Variants in ALDH1L1 observed in about 807,000 individuals in gnomAD.
ALDH1L1 encodes cytosolic 10-formyltetrahydrofolate dehydrogenase.
In ALDH1L1, 68 loss-of-function variants were observed where a neutral mutation model predicts 101.1. The ratio of observed to expected loss-of-function variants is 0.67; its 90% confidence interval spans 0.55 to 0.82. The LOEUF is 0.82. Among genes scored for constraint, ALDH1L1 ranks in the 40% least tolerant of loss-of-function variants. The probability of loss-of-function intolerance (pLI) is 0.00; values close to 1 mark genes in which losing one functional copy is unlikely to be tolerated. For missense variants in ALDH1L1, 1,087 were observed against 1,172.7 expected (o/e 0.93, Z 1.07); for synonymous variants, 486 against 470.8 (o/e 1.03, Z -0.42).
chr3:126,157,642 G>A (rs1236338093), intron 3 of ALDH1L1, 134 bp from the exon 4 acceptor site: 4 of 970,140 alleles, frequency 4.1e-6, no homozygotes, highest in Non-Finnish European at 6.1e-6. Flanking sequence ...CGGCTCCGGC[G>A]GGAAACGGAA....
intron 11 of ALDH1L1, 102 bp from the exon 12 acceptor site, chr3:126,135,764 C>A: frequency 7.3e-7 from 1 of 1,368,082 alleles, no homozygotes. Context: ...AGTGAGGCGG[C>A]CCCTGTCCAC....
rs532559368 is a variant in ALDH1L1 at position 126,164,130 on chromosome 3, C to CA, written c.-23-3129dup. ...TGGGCAACAGAGTGAGACTATGTCT[C>CA]AAAAAAAAAAGGCAAGGCAAGGCAA... is the stretch of plus-strand genomic sequence containing the variant. On this transcript the variant is annotated intron_variant, in intron 1 of 22. Coordinates refer to ENST00000393434, the MANE Select transcript of ALDH1L1 (RefSeq NM_012190.4). Among the ~76,000 whole-genome samples the CA allele has an allele frequency of 4.8e-3, 668 of 139,110 alleles. 2 individuals carry two copies. The highest frequency in any genetic ancestry group is 0.015 in the African/African-American group (580 of 37,826). 91.3% of individuals were successfully genotyped at this position (139,110 alleles called of 152,430 possible).
intron 1 of ALDH1L1, among the ~76,000 whole-genome samples, chr3:126,196,084 A>C (rs1559988580): frequency 6.6e-6 from 1 of 152,210 alleles, no homozygotes; most frequent in Non-Finnish European, 1.5e-5. Context: ...CACATTGTGC[A>C]CATGTACCCT....
At chr3:126,113,494 C>T (rs535510041) in intron 18 of ALDH1L1, among the ~76,000 whole-genome samples, 4 of 152,236 alleles carry the variant, frequency 2.6e-5, no homozygotes, top group Admixed American at 1.3e-4. Context: ...CAGGGGAGGA[C>T]GGAGAGCCAT....
At position 126,157,484 on chromosome 3, in the gene ALDH1L1, T is replaced by C. The variant is rs781124972; in HGVS notation, c.387A>G (p.Lys129=). Residue 129 remains lysine (K), a synonymous_variant, in exon 4 of 23, where the codon AAA becomes AAG. Transcript: ENST00000393434. ...CCGCCCAGAAGATGGAAAACCCCCC[T>C]TTCTTATCTCCGTGAATGAGGGTCC... is the stretch of plus-strand genomic sequence containing the variant. ...INWTLIHGDK[K]GGFSIFWADD... 6.2e-7 allele frequency: 1 copy of C among 1,613,830 alleles called. No homozygotes were observed. Among genetic ancestry groups the C allele is most frequent in the Admixed American group, 1.7e-5 (1 of 59,988 alleles).
At chr3:126,153,789 T>G (rs1044223112) in intron 6 of ALDH1L1, among the ~76,000 whole-genome samples, 1 of 152,178 alleles carries the variant, frequency 6.6e-6, no homozygotes, top group Non-Finnish European at 1.5e-5. Context: ...CTCAGGGAGC[T>G]GATGGCAGGT....
Position 126,105,934 on chromosome 3 carries a change from A to T in ALDH1L1, c.2454-9T>A. 1 of 1,610,772 alleles carries T rather than the reference A, an allele frequency of 6.2e-7. No homozygotes were observed. Among genetic ancestry groups the T allele is most frequent in the Non-Finnish European group, 8.5e-7 (1 of 1,177,342 alleles). On this transcript the variant is annotated splice_polypyrimidine_tract_variant and intron_variant, in intron 21 of 22. Transcript: ENST00000393434. ...GCACGGCATCCAAGTCCCTGGAGAG[A>T]AAGTCCAGGAAGAACTCCCTGAGGG...
intron 1 of ALDH1L1, among the ~76,000 whole-genome samples, chr3:126,188,603 A>T (rs114116486): frequency 1.3e-5 from 2 of 152,204 alleles, no homozygotes; most frequent in Non-Finnish European, 2.9e-5. Context: ...AATAAAACTT[A>T]GGGCATCAGC....
In ALDH1L1 at chr3:126,131,454, G is replaced by A. The variant is rs777094710; in HGVS notation, c.1553C>T (p.Ala518Val). Reference protein sequence around the residue: ...ALDAGAVYTLALKTHVGMSIQ... With the variant: ...ALDAGAVYTLVLKTHVGMSIQ... ...GGACATGCCCACGTGGGTCTTCAGG[G>A]CCAGCGTGTAGACGGCACCCGCATC... The change falls in exon 13 of 23, where the codon GCC becomes GTC. Residue 518 changes from alanine (A) to valine (V), a missense_variant. By Grantham distance (64) the Ala-to-Val change is moderately conservative. Transcript: ENST00000393434. 6.2e-7 allele frequency: 1 copy of A among 1,613,444 alleles called. No homozygotes were observed. Among genetic ancestry groups the A allele is most frequent in the Admixed American group, 1.7e-5 (1 of 59,992 alleles).
intron 1 of ALDH1L1, among the ~76,000 whole-genome samples, chr3:126,187,702 A>T (rs933359117): frequency 6.6e-6 from 1 of 152,194 alleles, no homozygotes; most frequent in Non-Finnish European, 1.5e-5. Flanking sequence ...ATCAAAGGGC[A>T]GTCTTGGACT....
At chr3:126,127,191 G>A (rs1316344234) in intron 14 of ALDH1L1, among the ~76,000 whole-genome samples, 2 of 152,304 alleles carry the variant, frequency 1.3e-5, no homozygotes, top group Admixed American at 1.3e-4. Flanking sequence ...GGGAAAGGCC[G>A]AGCCCCGGGA....
intron 10 of ALDH1L1, 64 bp downstream of exon 10, chr3:126,137,749 T>C: frequency 6.4e-7 from 1 of 1,566,344 alleles, no homozygotes. Context: ...TTGTCTTATG[T>C]AGTCATAGAT....
At chr3:126,132,294 C>T (rs1235227156) in intron 12 of ALDH1L1, among the ~76,000 whole-genome samples, 5 of 152,188 alleles carry the variant, frequency 3.3e-5, no homozygotes, top group South Asian at 4.1e-4. Context: ...GCCTGCCAGC[C>T]GTTTCCCACA....
intron 8 of ALDH1L1, among the ~76,000 whole-genome samples, chr3:126,148,615 G>A (rs896603154): frequency 3.9e-5 from 6 of 152,164 alleles, no homozygotes; most frequent in Admixed American, 1.3e-4. Flanking sequence ...AACAGCTAGA[G>A]GAGGACTTGA....
chr3:126,125,509 C>T, intron 15 of ALDH1L1, 107 bp downstream of exon 15: 2 of 857,042 alleles, frequency 2.3e-6, no homozygotes, highest in Middle Eastern at 3.2e-4. Context: ...GACCCTTCTT[C>T]CAGTGCCCGT....
intron 21 of ALDH1L1, among the ~76,000 whole-genome samples, chr3:126,106,379 AGTAAAAT>A (rs1219754908): frequency 6.6e-6 from 1 of 152,208 alleles, no homozygotes; most frequent in African/African-American, 2.4e-5. Context: ...GTAGTTGGAT[AGTAAAAT>A]GTGAGGACGA....
intron 17 of ALDH1L1, among the ~76,000 whole-genome samples, chr3:126,116,394 C>G (rs1385799633): frequency 5.3e-5 from 8 of 152,010 alleles, no homozygotes; most frequent in Non-Finnish European, 8.8e-5. Context: ...CCACCACATG[C>G]CTGGTTATAG....
intron 9 of ALDH1L1, among the ~76,000 whole-genome samples, chr3:126,144,410 T>G (rs1034562964): frequency 5.9e-5 from 9 of 152,166 alleles, no homozygotes; most frequent in African/African-American, 2.2e-4. Flanking sequence ...CAAACAATCC[T>G]GAAAAAGAAC....
intron 17 of ALDH1L1, chr3:126,115,075 T>C: frequency 2.2e-6 from 1 of 457,400 alleles, no homozygotes; most frequent in Non-Finnish European, 4.4e-6. Flanking sequence ...CACGCATCTG[T>C]CTGGGTCCTA....
Sources: gnomAD v4.1 joint callset for allele counts (sites outside exome capture counted in the v4.1 genomes callset) on GRCh38, gnomAD v4.1.1 for gene constraint, MANE v1.5 for transcripts, NCBI Gene and HGNC (gene_info 2026-07-23, HGNC 2026-07-21) for gene names.